Variants in GRID2 observed in about 807,000 individuals in gnomAD.
The protein encoded by GRID2 is glutamate receptor ionotropic, delta-2.
A neutral mutation model predicts 114.8 loss-of-function variants in GRID2; 33 were observed. That is an observed-to-expected ratio of 0.29 (90% CI 0.22 to 0.38). The LOEUF (loss-of-function observed/expected upper bound fraction) is 0.38, where lower values mean the gene tolerates loss of function less well. Among genes scored for constraint, GRID2 ranks in the 10% least tolerant of loss-of-function variants. The pLI is 1.00. For missense variants in GRID2, 1,184 were observed against 1,257.7 expected (o/e 0.94, Z 0.89); for synonymous variants, 505 against 449.9 (o/e 1.12, Z -1.55).
intron 2 of GRID2, among the ~76,000 whole-genome samples, chr4:92,666,656 T>TG (rs1553914389): frequency 7.0e-6 from 1 of 142,696 alleles, no homozygotes; most frequent in African/African-American, 2.6e-5. Flanking sequence ...GGTTGTTTTT[T>TG]TTTTTTTTTT....
At chr4:92,346,016 C>T (rs543012229) in intron 1 of GRID2, among the ~76,000 whole-genome samples, 2 of 152,254 alleles carry the variant, frequency 1.3e-5, no homozygotes, top group East Asian at 1.9e-4. Flanking sequence ...AAAGACATTT[C>T]GTGTCAAAAA....
chr4:93,742,136 C>T (rs1157490324), intron 14 of GRID2, among the ~76,000 whole-genome samples: 2 of 152,088 alleles, frequency 1.3e-5, no homozygotes. Flanking sequence ...TTGTCAATGT[C>T]ATCACTTAGC....
intron 9 of GRID2, among the ~76,000 whole-genome samples, chr4:93,401,957 T>A (rs1765936612): frequency 6.6e-6 from 1 of 151,358 alleles, no homozygotes; most frequent in Admixed American, 6.6e-5. Flanking sequence ...TTGTGACTGA[T>A]ATATGGGCAC....
intron 3 of GRID2, among the ~76,000 whole-genome samples, chr4:93,104,032 C>T (rs1443228207): frequency 6.6e-6 from 1 of 151,688 alleles, no homozygotes; most frequent in African/African-American, 2.4e-5. Flanking sequence ...TTTTTCAGCC[C>T]CCAACTTTCT....
At chr4:93,346,031 G>A (rs758333698) in intron 8 of GRID2, among the ~76,000 whole-genome samples, 5 of 152,030 alleles carry the variant, frequency 3.3e-5, no homozygotes, top group African/African-American at 4.8e-5. Flanking sequence ...ACACCATGCT[G>A]TTTTAATTGC....
At chr4:93,744,389 T>A (rs1731670806) in intron 14 of GRID2, among the ~76,000 whole-genome samples, 1 of 152,186 alleles carries the variant, frequency 6.6e-6, no homozygotes, top group Admixed American at 6.5e-5. Context: ...TCAGGATTCA[T>A]GGAAAGAGGA....
At chr4:92,349,290 G>A (rs1350433262) in intron 1 of GRID2, among the ~76,000 whole-genome samples, 1 of 151,884 alleles carries the variant, frequency 6.6e-6, no homozygotes. Flanking sequence ...ATGACTAAAA[G>A]TTTGTCTAAC....
At chr4:92,725,898 A>G (rs1736045920) in intron 2 of GRID2, among the ~76,000 whole-genome samples, 1 of 152,154 alleles carries the variant, frequency 6.6e-6, no homozygotes, top group East Asian at 1.9e-4. Context: ...TTATAGCAGA[A>G]CATATAAAAA....
rs971389474 is a variant in GRID2 at position 93,210,263 on chromosome 4, T to C, written c.789+2806T>C. 7.2e-5 allele frequency among the ~76,000 whole-genome samples: 11 copies of C among 152,180 alleles called. No individual in the cohort carries two copies. The East Asian group carries it at 2.1e-3, about 29-fold the overall frequency. ...TCCATCTTGTGTTAATTTTTGTATA[T>C]GGTATAATAAAATGGTCCAGTTTCA... On this transcript the variant is annotated intron_variant, in intron 5 of 15. Transcript: ENST00000282020.
At chr4:93,286,694 G>T (rs796177031) in intron 8 of GRID2, among the ~76,000 whole-genome samples, 6,823 of 148,198 alleles carry the variant, frequency 0.046, 255 homozygotes, top group African/African-American at 0.1. Flanking sequence ...TGTGTGTGGG[G>T]GTGTGTGTGT....
rs148762568 is a variant in GRID2, at chr4:92,697,911, GA to G, written c.244+107631del. Among the ~76,000 whole-genome samples, 218 of 152,098 alleles carry G rather than the reference GA, an allele frequency of 1.4e-3. 1 individual carries two copies. The highest frequency in any genetic ancestry group is 5.1e-3 in the African/African-American group (212 of 41,524). On this transcript the variant is annotated intron_variant, in intron 2 of 15. Transcript: ENST00000282020. Reference sequence around the variant, plus strand: ...AGATAGCATGAGAGAAGTCTAAGGTGAAAAAATATTGGAAAAATTAAAACAG... The same window carrying G: ...AGATAGCATGAGAGAAGTCTAAGGTGAAAAATATTGGAAAAATTAAAACAG...
At position 93,258,593 on chromosome 4, in the gene GRID2, C is replaced by A. The variant is rs187068238; in HGVS notation, c.1245+20103C>A. On this transcript the variant is annotated intron_variant, in intron 8 of 15. Transcript: ENST00000282020. ...GTAAAGAGACAAATGTGGCTTTATG[C>A]ATTACTCCTTTAGTGCATTATGATA... 5.9e-4 allele frequency among the ~76,000 whole-genome samples: 90 copies of A among 151,694 alleles called. 1 individual carries two copies. The highest frequency in any genetic ancestry group is 9.9e-4 in the Admixed American group (15 of 15,170).
At chr4:93,478,366 G>A (rs1725520948) in intron 11 of GRID2, among the ~76,000 whole-genome samples, 1 of 151,886 alleles carries the variant, frequency 6.6e-6, no homozygotes, top group Non-Finnish European at 1.5e-5. Context: ...ATATTTTATG[G>A]TATTGGGTCT....
intron 13 of GRID2, among the ~76,000 whole-genome samples, chr4:93,559,423 T>A (rs975917401): frequency 2.0e-5 from 3 of 152,062 alleles, no homozygotes; most frequent in African/African-American, 7.2e-5. Flanking sequence ...GTAAAGGATA[T>A]GAACAGACAC....
intron 7 of GRID2, among the ~76,000 whole-genome samples, chr4:93,233,313 GATTATT>G (rs199852003): frequency 2.0e-5 from 3 of 149,446 alleles, no homozygotes; most frequent in East Asian, 1.9e-4. Context: ...GACACTGAAG[GATTATT>G]ATTATTATTA....
intron 1 of GRID2, among the ~76,000 whole-genome samples, chr4:92,352,676 T>G (rs1442104639): frequency 6.6e-6 from 1 of 152,040 alleles, no homozygotes; most frequent in Admixed American, 6.6e-5. Flanking sequence ...ATGCTGAACA[T>G]CCATTCATGT....
At chr4:93,627,371 GT>G (rs201999570) in intron 14 of GRID2, among the ~76,000 whole-genome samples, 19 of 151,100 alleles carry the variant, frequency 1.3e-4, no homozygotes, top group East Asian at 5.8e-4. Flanking sequence ...TTGTGTGTAT[GT>G]TTTTTTTTAA....
chr4:93,614,132 C>A (rs1031301428), intron 13 of GRID2, among the ~76,000 whole-genome samples: 3 of 152,194 alleles, frequency 2.0e-5, no homozygotes, highest in African/African-American at 7.2e-5. Context: ...TGACCCCTTG[C>A]GCTTCCCAGG....
At chr4:92,908,799 G>A (rs780833426) in intron 2 of GRID2, among the ~76,000 whole-genome samples, 1 of 152,056 alleles carries the variant, frequency 6.6e-6, no homozygotes, top group Non-Finnish European at 1.5e-5. Flanking sequence ...CTTTTAGCAC[G>A]TCAACAGAGT....
Sources: allele counts gnomAD v4.1 joint callset (sites outside exome capture counted in the v4.1 genomes callset), GRCh38; gene constraint gnomAD v4.1.1; transcripts MANE v1.5; gene names NCBI Gene and HGNC (gene_info 2026-07-23, HGNC 2026-07-21).